CNST: variants seen among roughly 807,000 people sequenced by gnomAD.
CNST encodes consortin, connexin sorting protein.
In CNST, 39 loss-of-function variants were observed where a neutral mutation model predicts 72.4. The ratio of observed to expected loss-of-function variants is 0.54; its 90% confidence interval spans 0.42 to 0.70. The LOEUF (loss-of-function observed/expected upper bound fraction) is 0.70. Among genes scored for constraint, CNST ranks in the 30% least tolerant of loss-of-function variants. The probability of loss-of-function intolerance (pLI) is 0.00; values close to 1 mark genes in which losing one functional copy is unlikely to be tolerated. For missense variants in CNST, 871 were observed against 868.5 expected, an observed-to-expected ratio of 1.00 and a Z score of -0.04; for synonymous variants, 332 against 320.1, an observed-to-expected ratio of 1.04 and a Z score of -0.40.
At chr1:246,589,726 T>C (rs1283737604) in intron 1 of CNST, among the ~76,000 whole-genome samples, 7 of 152,300 alleles carry the variant, frequency 4.6e-5, no homozygotes, top group East Asian at 1.9e-4. Context: ...TTTACAGTCC[T>C]ACCAACAGTG....
chr1:246,644,637 C>A (rs1665932704), intron 8 of CNST, among the ~76,000 whole-genome samples: 1 of 152,178 alleles, frequency 6.6e-6, no homozygotes, highest in Non-Finnish European at 1.5e-5. Context: ...CCAAGCTGCT[C>A]CCCTAGATAA....
At chr1:246,588,876 A>G (rs1572134344) in intron 1 of CNST, among the ~76,000 whole-genome samples, 1 of 152,142 alleles carries the variant, frequency 6.6e-6, no homozygotes, top group East Asian at 1.9e-4. Context: ...CACATACCCA[A>G]GTTATTCCAA....
intron 1 of CNST, among the ~76,000 whole-genome samples, chr1:246,577,873 G>C (rs1344549321): frequency 6.6e-6 from 1 of 151,854 alleles, no homozygotes; most frequent in Non-Finnish European, 1.5e-5. Context: ...CTTCTTTTTT[G>C]GACTTTGCTG....
At chr1:246,637,500 C>T (rs1227974651) in intron 6 of CNST, among the ~76,000 whole-genome samples, 3 of 152,170 alleles carry the variant, frequency 2.0e-5, no homozygotes, top group Non-Finnish European at 4.4e-5. Flanking sequence ...GACAAAAGTT[C>T]GTCCATACAT....
intron 3 of CNST, among the ~76,000 whole-genome samples, chr1:246,625,048 T>C (rs957546466): frequency 1.3e-5 from 2 of 152,194 alleles, no homozygotes; most frequent in East Asian, 1.9e-4. Context: ...CCCTAAATAT[T>C]TGTACATAAA....
rs908768327 is a variant in CNST, at chr1:246,578,848, A to G, written c.-52+12185A>G. On this transcript the variant is annotated intron_variant, in intron 1 of 10. Coordinates refer to ENST00000366513, the MANE Select transcript of CNST (RefSeq NM_152609.3). Reference sequence around the variant, plus strand: ...CACAAGCAGCACAGAATCTGGAGCCAGTCTGCCTAGGTTGAGTCCTAATTC... The same window carrying G: ...CACAAGCAGCACAGAATCTGGAGCCGGTCTGCCTAGGTTGAGTCCTAATTC... 4.6e-5 allele frequency among the ~76,000 whole-genome samples: 7 copies of G among 152,244 alleles called. No individual in the cohort carries two copies. The East Asian group carries it at 9.6e-4, about 21-fold the overall frequency.
intron 4 of CNST, among the ~76,000 whole-genome samples, chr1:246,633,196 T>A (rs1446767159): frequency 2.0e-5 from 3 of 152,186 alleles, no homozygotes; most frequent in Non-Finnish European, 4.4e-5. Context: ...ACACCTGTAA[T>A]CCCAGCAATT....
chr1:246,597,216 A>G (rs1015941504), intron 2 of CNST, among the ~76,000 whole-genome samples: 8 of 152,178 alleles, frequency 5.3e-5, no homozygotes, highest in Non-Finnish European at 1.0e-4. Flanking sequence ...TGACTATTTG[A>G]TTATCTCCAT....
At chr1:246,604,630 A>C (rs960036893) in intron 2 of CNST, among the ~76,000 whole-genome samples, 3 of 152,110 alleles carry the variant, frequency 2.0e-5, no homozygotes, top group Non-Finnish European at 4.4e-5. Context: ...ACAAATATAT[A>C]TATTTTCAGG....
Position 246,588,027 on chromosome 1 carries a change from T to A in CNST, c.-51-3485T>A, listed in dbSNP as rs561638895. Among the ~76,000 whole-genome samples the A allele has an allele frequency of 1.5e-4, 23 of 152,280 alleles. No homozygotes were observed. The South Asian group carries it at 4.8e-3, about 32-fold the overall frequency. ...TTATTCTTGTTTTTCCTTTTGTGTC[T>A]TGTAACTTTGTCACATTTTTATCCT... On this transcript the variant is annotated intron_variant, in intron 1 of 10. Transcript: ENST00000366513.
intron 9 of CNST, 70 bp from the exon 10 acceptor site, chr1:246,660,129 C>T: frequency 7.5e-7 from 1 of 1,325,278 alleles, no homozygotes; most frequent in African/African-American, 1.5e-5. Flanking sequence ...TTGAATGAGC[C>T]TTTTTATAGC....
At chr1:246,654,564 A>G (rs1414814480) in intron 9 of CNST, among the ~76,000 whole-genome samples, 2 of 152,228 alleles carry the variant, frequency 1.3e-5, no homozygotes, top group East Asian at 3.8e-4. Context: ...TAAGACGCAC[A>G]CATACTGTCT....
At chr1:246,658,028 C>T (rs1666862870) in intron 9 of CNST, among the ~76,000 whole-genome samples, 1 of 151,986 alleles carries the variant, frequency 6.6e-6, no homozygotes, top group Non-Finnish European at 1.5e-5. Context: ...GTGAATTCAC[C>T]ATTGGTAAGT....
chr1:246,619,406 T>C (rs1331101267), intron 2 of CNST, among the ~76,000 whole-genome samples: 1 of 152,136 alleles, frequency 6.6e-6, no homozygotes, highest in Non-Finnish European at 1.5e-5. Flanking sequence ...GTAATCACTG[T>C]AGGTGATTTT....
chr1:246,619,104 A>G (rs6689740), intron 2 of CNST, among the ~76,000 whole-genome samples: 12,824 of 151,896 alleles, frequency 0.084, 1,505 homozygotes, highest in African/African-American at 0.26. Flanking sequence ...ACCTTATCAC[A>G]GTCTATGAGA....
intron 10 of CNST, 53 bp from the exon 11 acceptor site, chr1:246,665,647 C>G: frequency 6.9e-7 from 1 of 1,456,006 alleles, no homozygotes; most frequent in Non-Finnish European, 9.6e-7. Context: ...ACAGCAGATG[C>G]TAAGATTTCC....
chr1:246,568,425 T>C (rs1040811238), intron 1 of CNST, among the ~76,000 whole-genome samples: 3 of 152,060 alleles, frequency 2.0e-5, no homozygotes, highest in African/African-American at 7.2e-5. Flanking sequence ...GTACATCTTA[T>C]TTTTTTTCTG....
chr1:246,618,883 TG>T (rs1438265555), intron 2 of CNST, among the ~76,000 whole-genome samples: 1 of 152,196 alleles, frequency 6.6e-6, no homozygotes, highest in East Asian at 1.9e-4. Context: ...TGATCTCCTT[TG>T]GAAAGGGAGT....
intron 2 of CNST, among the ~76,000 whole-genome samples, chr1:246,619,514 G>T (rs1663915260): frequency 2.6e-5 from 4 of 152,182 alleles, no homozygotes; most frequent in Admixed American, 2.0e-4. Context: ...TGAAATAGAA[G>T]ATGACATCTT....
Sources: gnomAD v4.1 joint callset for allele counts (sites outside exome capture counted in the v4.1 genomes callset) on GRCh38, gnomAD v4.1.1 for gene constraint, MANE v1.5 for transcripts, NCBI Gene and HGNC (gene_info 2026-07-23, HGNC 2026-07-21) for gene names.